Variants in RALYL observed in about 807,000 individuals in gnomAD.
RALYL encodes RALY RNA binding protein like.
Under a neutral mutation model 35.1 loss-of-function variants are expected in RALYL, and 29 were observed. That is an observed-to-expected ratio of 0.83 (90% CI 0.61 to 1.13). The LOEUF (loss-of-function observed/expected upper bound fraction) is 1.13. Ranked by LOEUF, RALYL falls within the 50% of genes most tolerant of loss-of-function variation. The probability of loss-of-function intolerance (pLI) is 0.00; values close to 1 mark genes in which losing one functional copy is unlikely to be tolerated. For synonymous variants in RALYL, 120 were observed against 127.6 expected, an observed-to-expected ratio of 0.94 and a Z score of 0.40; for missense variants, 359 against 360.4, an observed-to-expected ratio of 1.00 and a Z score of 0.03.
At chr8:84,231,175 G>C (rs145193411) in intron 1 of RALYL, among the ~76,000 whole-genome samples, 1 of 152,260 alleles carries the variant, frequency 6.6e-6, no homozygotes, top group East Asian at 1.9e-4. Flanking sequence ...CCAAGGAAAG[G>C]CTTTTTCTAA....
At chr8:84,680,243 C>G (rs1835139944) in intron 2 of RALYL, among the ~76,000 whole-genome samples, 1 of 152,172 alleles carries the variant, frequency 6.6e-6, no homozygotes, top group Non-Finnish European at 1.5e-5. Context: ...TTAACCCAGT[C>G]TATCATTGTT....
At chr8:84,744,852 A>T (rs947079594) in intron 2 of RALYL, among the ~76,000 whole-genome samples, 5 of 152,064 alleles carry the variant, frequency 3.3e-5, no homozygotes, top group African/African-American at 1.2e-4. Context: ...GATATGAAGG[A>T]GTTGAAGTAC....
chr8:84,231,403 A>G (rs1825309937), intron 1 of RALYL, among the ~76,000 whole-genome samples: 1 of 152,174 alleles, frequency 6.6e-6, no homozygotes, highest in Non-Finnish European at 1.5e-5. Flanking sequence ...CATATAAGAA[A>G]GGTTACAATA....
At chr8:84,194,022 T>A (rs1396480550) in intron 1 of RALYL, among the ~76,000 whole-genome samples, 1 of 152,186 alleles carries the variant, frequency 6.6e-6, no homozygotes, top group Admixed American at 6.5e-5. Context: ...TCACTAATTT[T>A]AATAGAATGA....
In RALYL at chr8:84,398,704, T is replaced by C. The variant is rs574698185; in HGVS notation, c.-23-130595T>C. On this transcript the variant is annotated intron_variant, in intron 1 of 8. Coordinates refer to ENST00000521268, the MANE Select transcript of RALYL (RefSeq NM_173848.7). ...TAAAAACCAATCCAGGCCAGTGCAGTGGCTCCCACCTGTAATCCCATCACT... is the reference window on the plus strand; with the variant it reads ...TAAAAACCAATCCAGGCCAGTGCAGCGGCTCCCACCTGTAATCCCATCACT... Among the ~76,000 whole-genome samples the C allele has an allele frequency of 5.3e-5, 8 of 152,318 alleles. No individual in the cohort carries two copies. In the South Asian group the frequency reaches 1.7e-3, roughly 32 times the overall value.
chr8:84,906,058 C>T (rs1370450255), intron 8 of RALYL, among the ~76,000 whole-genome samples: 1 of 151,692 alleles, frequency 6.6e-6, no homozygotes, highest in African/African-American at 2.4e-5. Flanking sequence ...GCCAATTCCC[C>T]TACATTGTAT....
Position 84,839,337 on chromosome 8 carries a change from G to A in RALYL, c.366-10643G>A, listed in dbSNP as rs117880594. Among the ~76,000 whole-genome samples the A allele has an allele frequency of 8.0e-4, 122 of 152,292 alleles. No individual in the cohort carries two copies. In the East Asian group the frequency reaches 0.016, roughly 20 times the overall value. ...GGAGATTATATCCCGCACCTGGCTCGGAAGGACCTACGCTCATGGAGCCTC... is the reference window on the plus strand; with the variant it reads ...GGAGATTATATCCCGCACCTGGCTCAGAAGGACCTACGCTCATGGAGCCTC... On this transcript the variant is annotated intron_variant, in intron 4 of 8. Coordinates refer to ENST00000521268, the MANE Select transcript of RALYL (RefSeq NM_173848.7).
chr8:84,517,042 T>A (rs569128558), intron 1 of RALYL, among the ~76,000 whole-genome samples: 1 of 152,310 alleles, frequency 6.6e-6, no homozygotes, highest in Admixed American at 6.5e-5. Context: ...TCATTATTTG[T>A]ATTGTAATGG....
In RALYL at chr8:84,817,236, A is replaced by T. The variant is rs904708854; in HGVS notation, c.365+12434A>T. Among the ~76,000 whole-genome samples the T allele has an allele frequency of 6.6e-5, 10 of 152,190 alleles. No individual in the cohort carries two copies. In the South Asian group the frequency reaches 8.3e-4, roughly 13 times the overall value. On this transcript the variant is annotated intron_variant, in intron 4 of 8. Transcript: ENST00000521268. The stretch of plus-strand genomic sequence containing the variant: ...CCTTTTCTTTCCAGTCTTGAAGTAG[A>T]ATTTAGATCTTCAATATACTTCTGC...
intron 5 of RALYL, among the ~76,000 whole-genome samples, chr8:84,858,891 A>G (rs763293709): frequency 1.6e-4 from 25 of 152,278 alleles, no homozygotes; most frequent in East Asian, 3.9e-4. Flanking sequence ...AGAGTGCCCA[A>G]TGAAAATTAA....
chr8:84,268,014 C>T (rs1228193765), intron 1 of RALYL, among the ~76,000 whole-genome samples: 3 of 152,142 alleles, frequency 2.0e-5, no homozygotes, highest in African/African-American at 7.2e-5. Flanking sequence ...AAACTTGCTC[C>T]ACTTGTTCAG....
At chr8:84,852,667 G>T (rs1240200538) in intron 5 of RALYL, among the ~76,000 whole-genome samples, 2 of 152,114 alleles carry the variant, frequency 1.3e-5, no homozygotes, top group Non-Finnish European at 2.9e-5. Context: ...CACCGTAGGA[G>T]ACCCAAGTTC....
At position 84,286,463 on chromosome 8, in the gene RALYL, G is replaced by A. The variant is rs145130986; in HGVS notation, c.-24+102039G>A. On this transcript the variant is annotated intron_variant, in intron 1 of 8. Coordinates refer to ENST00000521268, the MANE Select transcript of RALYL (RefSeq NM_173848.7). ...AACTGAACTTGGGTCCATTTGTCTG[G>A]TGCAGCAAAGCTAAACATTCACATG... 7.9e-3 allele frequency among the ~76,000 whole-genome samples: 1,205 copies of A among 152,276 alleles called. 20 individuals are homozygous for A. Among genetic ancestry groups the A allele is most frequent in the African/African-American group, 0.028 (1,158 of 41,562 alleles).
At chr8:84,666,374 G>A (rs1429775133) in intron 2 of RALYL, among the ~76,000 whole-genome samples, 1 of 151,864 alleles carries the variant, frequency 6.6e-6, no homozygotes, top group Admixed American at 6.6e-5. Context: ...ATGTATACAG[G>A]CACACACACA....
At chr8:84,597,902 G>A (rs972695839) in intron 2 of RALYL, among the ~76,000 whole-genome samples, 1 of 152,104 alleles carries the variant, frequency 6.6e-6, no homozygotes, top group African/African-American at 2.4e-5. Context: ...TCTTTACAGA[G>A]AAAGTTTGTT....
rs144240214 is a variant in RALYL at position 84,486,181 on chromosome 8, C to T, written c.-23-43118C>T. ...TTTAGAACTTCTCTCACCTATACAA[C>T]AAGAATATAATTAATAATAATAATG... On this transcript the variant is annotated intron_variant, in intron 1 of 8. Transcript: ENST00000521268. Among the ~76,000 whole-genome samples, 954 of 150,536 alleles carry T rather than the reference C, an allele frequency of 6.3e-3. 6 individuals are homozygous for T. The highest frequency in any genetic ancestry group is 0.027 in the Middle Eastern group (8 of 292).
chr8:84,493,262 C>T (rs2134076123), intron 1 of RALYL, among the ~76,000 whole-genome samples: 2 of 152,202 alleles, frequency 1.3e-5, no homozygotes, highest in East Asian at 3.9e-4. Flanking sequence ...CTTTTTATGG[C>T]TGCATAGTAT....
At chr8:84,866,429 T>C (rs1319434169) in intron 6 of RALYL, among the ~76,000 whole-genome samples, 1 of 152,212 alleles carries the variant, frequency 6.6e-6, no homozygotes, top group East Asian at 1.9e-4. Context: ...CTTAGGCACA[T>C]AGTAATGTTC....
intron 2 of RALYL, among the ~76,000 whole-genome samples, chr8:84,760,240 T>C (rs1471933729): frequency 1.3e-5 from 2 of 152,116 alleles, no homozygotes; most frequent in African/African-American, 4.8e-5. Flanking sequence ...AGATTTTTTT[T>C]CCATGTTGAT....
Sources: allele counts gnomAD v4.1 joint callset (sites outside exome capture counted in the v4.1 genomes callset), GRCh38; gene constraint gnomAD v4.1.1; transcripts MANE v1.5; gene names NCBI Gene and HGNC (gene_info 2026-07-23, HGNC 2026-07-21).